The following GNA14 variants were observed in gnomAD, a reference collection of about 807,000 sequenced individuals.
GNA14 encodes the protein guanine nucleotide-binding protein subunit alpha-14.
Under a neutral mutation model 42.0 loss-of-function variants are expected in GNA14, and 50 were observed. That is an observed-to-expected ratio of 1.19 (90% CI 0.95 to 1.51). The LOEUF (loss-of-function observed/expected upper bound fraction) is 1.51, where lower values mean the gene tolerates loss of function less well. GNA14 is among the 40% of genes most tolerant of loss of function. GNA14 has a pLI of 0.00. For missense variants in GNA14, 473 were observed against 446.2 expected (o/e 1.06, Z -0.54); for synonymous variants, 173 against 163.1 (o/e 1.06, Z -0.46).
intron 1 of GNA14, among the ~76,000 whole-genome samples, chr9:77,592,989 A>G (rs1823413143): frequency 6.6e-6 from 1 of 152,164 alleles, no homozygotes; most frequent in African/African-American, 2.4e-5. Context: ...GGCTGTTTCA[A>G]TGATCAATTA....
At chr9:77,555,675 G>A (rs17063737) in intron 1 of GNA14, among the ~76,000 whole-genome samples, 3,049 of 152,188 alleles carry the variant, frequency 0.02, 109 homozygotes, top group African/African-American at 0.069. Context: ...AAGAGTTGGA[G>A]AAAAAAGTGG....
In GNA14 at chr9:77,526,467, T is replaced by A. The variant is rs1406943281; in HGVS notation, c.309+2602A>T. On this transcript the variant is annotated intron_variant, in intron 2 of 6. Transcript: ENST00000341700. ...AAGATAAGGTCATACCGGATTAGGG[T>A]CGACCCTAATCCAGCGACTGGTGTC... is the stretch of plus-strand genomic sequence containing the variant. 2.7e-5 allele frequency: 4 copies of A among 150,368 alleles called. No homozygotes were observed. The East Asian group carries it at 6.1e-4, about 23-fold the overall frequency. 9.3% of individuals were successfully genotyped at this position (150,368 alleles called of 1,614,324 possible).
At chr9:77,441,946 C>A (rs1381100048) in intron 2 of GNA14, among the ~76,000 whole-genome samples, 3 of 152,096 alleles carry the variant, frequency 2.0e-5, no homozygotes, top group Non-Finnish European at 4.4e-5. Flanking sequence ...AGGAGTTTTT[C>A]CTATAGAAAA....
intron 2 of GNA14, among the ~76,000 whole-genome samples, chr9:77,511,573 G>A (rs1452194645): frequency 6.6e-6 from 1 of 152,136 alleles, no homozygotes; most frequent in Non-Finnish European, 1.5e-5. Context: ...AGCAAATCTG[G>A]GAGTCTGAAC....
chr9:77,434,889 T>C (rs1019730439), intron 2 of GNA14, among the ~76,000 whole-genome samples: 2 of 152,164 alleles, frequency 1.3e-5, no homozygotes, highest in African/African-American at 4.8e-5. Context: ...ATGACTCATT[T>C]GAGTATCTGC....
chr9:77,453,246 C>G (rs1006499981), intron 2 of GNA14, among the ~76,000 whole-genome samples: 1 of 152,210 alleles, frequency 6.6e-6, no homozygotes, highest in Non-Finnish European at 1.5e-5. Flanking sequence ...CAGACTCTCA[C>G]CAGACAGCAC....
chr9:77,487,018 TA>T (rs35749481), intron 2 of GNA14, among the ~76,000 whole-genome samples: 31,769 of 144,490 alleles, frequency 0.22, 3,450 homozygotes, highest in East Asian at 0.32. Flanking sequence ...TTCAATTTGT[TA>T]AAAAAAAAAA....
intron 2 of GNA14, among the ~76,000 whole-genome samples, chr9:77,458,685 T>G (rs1836050044): frequency 6.6e-6 from 1 of 152,176 alleles, no homozygotes; most frequent in African/African-American, 2.4e-5. Flanking sequence ...GTAAAGATAC[T>G]AAAGAAATCT....
chr9:77,424,380 A>C lies in GNA14; in HGVS notation c.878-211T>G, dbSNP rs41289995. Among the ~76,000 whole-genome samples the C allele has an allele frequency of 5.3e-3, 801 of 152,142 alleles. 2 individuals are homozygous for C. The highest frequency in any genetic ancestry group is 8.5e-3 in the Non-Finnish European group (578 of 67,988). On this transcript the variant is annotated intron_variant, in intron 6 of 6. Coordinates refer to ENST00000341700, the MANE Select transcript of GNA14 (RefSeq NM_004297.4). The stretch of plus-strand genomic sequence containing the variant: ...TGGGATTACAGATGCGTACCACCAC[A>C]CACAGCTAATTTTTGTATTTTTAGT...
At chr9:77,528,505 T>C (rs1837476708) in intron 2 of GNA14, among the ~76,000 whole-genome samples, 3 of 152,066 alleles carry the variant, frequency 2.0e-5, no homozygotes. Context: ...TAACTGGTGG[T>C]GAGGGGAAAG....
intron 1 of GNA14, among the ~76,000 whole-genome samples, chr9:77,577,962 A>C (rs1025775193): frequency 6.6e-6 from 1 of 152,166 alleles, no homozygotes; most frequent in African/African-American, 2.4e-5. Context: ...ACCATGAATG[A>C]TCATGGCAAC....
At chr9:77,547,457 C>G (rs1037462583) in intron 1 of GNA14, among the ~76,000 whole-genome samples, 6 of 152,178 alleles carry the variant, frequency 3.9e-5, no homozygotes, top group African/African-American at 1.4e-4. Context: ...TAGTGGGATG[C>G]CTTTGCTGTC....
chr9:77,616,591 C>T (rs1408652872), intron 1 of GNA14, among the ~76,000 whole-genome samples: 1 of 152,220 alleles, frequency 6.6e-6, no homozygotes, highest in Non-Finnish European at 1.5e-5. Context: ...TACAGGCATG[C>T]TGATGCTCAG....
intron 2 of GNA14, among the ~76,000 whole-genome samples, chr9:77,515,823 G>T (rs1013778259): frequency 1.3e-5 from 2 of 151,678 alleles, no homozygotes; most frequent in East Asian, 3.9e-4. Flanking sequence ...AATTAGCCAG[G>T]CCTGGGGGTG....
intron 2 of GNA14, among the ~76,000 whole-genome samples, chr9:77,524,514 A>G (rs888339611): frequency 1.3e-5 from 2 of 152,252 alleles, no homozygotes; most frequent in Admixed American, 6.5e-5. Flanking sequence ...AGACTGCACC[A>G]CTGTGAAAAT....
intron 2 of GNA14, among the ~76,000 whole-genome samples, chr9:77,528,744 A>T (rs932793019): frequency 1.1e-4 from 16 of 152,302 alleles, no homozygotes; most frequent in Admixed American, 2.0e-4. Context: ...CATTGCTCCA[A>T]TGAAGAAATT....
intron 2 of GNA14, among the ~76,000 whole-genome samples, chr9:77,528,096 T>C (rs1416921741): frequency 2.0e-5 from 3 of 152,226 alleles, no homozygotes; most frequent in Non-Finnish European, 4.4e-5. Flanking sequence ...TGTTTTCCTA[T>C]GTAATCCCAT....
intron 1 of GNA14, among the ~76,000 whole-genome samples, chr9:77,618,250 A>T (rs1462979878): frequency 1.3e-5 from 2 of 152,112 alleles, no homozygotes; most frequent in Admixed American, 1.3e-4. Flanking sequence ...TTCTTAAAGG[A>T]TCATTTCATT....
chr9:77,631,733 A>T (rs975841196), intron 1 of GNA14, among the ~76,000 whole-genome samples: 2 of 151,820 alleles, frequency 1.3e-5, no homozygotes, highest in African/African-American at 4.9e-5. Context: ...AGGCCCTTCT[A>T]CTATTTGAAG....
Sources: allele counts gnomAD v4.1 joint callset (sites outside exome capture counted in the v4.1 genomes callset), GRCh38; gene constraint gnomAD v4.1.1; transcripts MANE v1.5; gene names NCBI Gene and HGNC (gene_info 2026-07-23, HGNC 2026-07-21).